Variants in EP300 observed in about 807,000 individuals in gnomAD.
EP300 encodes the protein EP300 lysine acetyltransferase, also known as histone acetyltransferase p300.
In EP300, 31 loss-of-function variants were observed where a neutral mutation model predicts 264.0. The ratio of observed to expected loss-of-function variants is 0.12; its 90% CI spans 0.09 to 0.16. The LOEUF is 0.16. Ranked by LOEUF, EP300 falls within the 10% of genes least tolerant of loss-of-function variation. The probability of loss-of-function intolerance (pLI) is 1.00; values close to 1 mark genes in which losing one functional copy is unlikely to be tolerated. For missense variants in EP300, 2,766 were observed against 3,052.9 expected, an observed-to-expected ratio of 0.91 and a Z score of 2.21; for synonymous variants, 1,340 against 1,045.4, an observed-to-expected ratio of 1.28 and a Z score of -5.44.
Position 41,168,283 on chromosome 22 carries a change from T to C in EP300, c.3875-166T>C, listed in dbSNP as rs2057070. ...GATTAGCATGTTCCCTGCACTCATATGACATGTAAATCTGCAAAGTAGTGA... is the reference window on the plus strand; with the variant it reads ...GATTAGCATGTTCCCTGCACTCATACGACATGTAAATCTGCAAAGTAGTGA... On this transcript the variant is annotated intron_variant, in intron 23 of 30. Transcript: ENST00000263253. 197,586 of 699,640 alleles carry C rather than the reference T, an allele frequency of 0.28. 32,086 individuals are homozygous for C. Among genetic ancestry groups the C allele is most frequent in the Admixed American group, 0.51 (22,934 of 44,658 alleles). 43.3% of individuals were successfully genotyped at this position (699,640 alleles called of 1,614,324 possible).
At chr22:41,117,079 G>A in intron 1 of EP300, 108 bp from the exon 2 acceptor site, 1 of 968,888 alleles carries the variant, frequency 1.0e-6, no homozygotes, top group Non-Finnish European at 1.6e-6. Flanking sequence ...AGAAAAACAT[G>A]GAGTGAGGTT....
In EP300 at chr22:41,129,990, G is replaced by C. The variant is rs1308032551; in HGVS notation, c.1269G>C (p.Lys423Asn). Residue 423 changes from lysine (K) to asparagine (N), a missense_variant, in exon 5 of 31, where the codon AAG (lysine) becomes AAC (asparagine). Physicochemically the swap from Lys to Asn is moderately conservative, Grantham distance 94 (BLOSUM62 0). Transcript: ENST00000263253. ...TCCCCCTCAAAAATGCTGGTGATAAGAGAAATCAACAGCGTAAGTGATGAA... is the reference window on the plus strand; with the variant it reads ...TCCCCCTCAAAAATGCTGGTGATAACAGAAATCAACAGCGTAAGTGATGAA... ...VCLPLKNAGD[K>N]RNQQPILTGA... 1 of 1,612,088 alleles carries C rather than the reference G, an allele frequency of 6.2e-7. No homozygotes were observed. The highest frequency in any genetic ancestry group is 1.1e-5 in the South Asian group (1 of 91,052).
At chr22:41,125,724 A>G in intron 2 of EP300, 140 bp from the exon 3 acceptor site, 2 of 906,412 alleles carry the variant, frequency 2.2e-6, no homozygotes, top group Non-Finnish European at 1.7e-6. Flanking sequence ...CACGTTGCCC[A>G]AGCTGTAGTG....
At chr22:41,161,399 C>T (rs1192885945) in intron 20 of EP300, among the ~76,000 whole-genome samples, 2 of 152,152 alleles carry the variant, frequency 1.3e-5, no homozygotes, top group African/African-American at 4.8e-5. Context: ...GGGCGGATCA[C>T]GAGGTCAGGA....
Position 41,117,510 on chromosome 22 carries a change from A to C in EP300, c.418A>C (p.Thr140Pro). Residue 140 changes from threonine to proline, a missense_variant, in exon 2 of 31, where the codon ACT becomes CCT. Coordinates refer to ENST00000263253, the MANE Select transcript of EP300 (RefSeq NM_001429.4). ...GLTSPNMGMGTSGPNQGPTQS... is the reference protein window; with the variant it reads ...GLTSPNMGMGPSGPNQGPTQS... ...GACTTCTCCCAACATGGGGATGGGCACTAGTGGACCAAATCAGGGTCCTAC... is the reference window on the plus strand; with the variant it reads ...GACTTCTCCCAACATGGGGATGGGCCCTAGTGGACCAAATCAGGGTCCTAC... 6.2e-7 allele frequency: 1 copy of C among 1,613,906 alleles called. No homozygotes were observed. Among genetic ancestry groups the C allele is most frequent in the Non-Finnish European group, 8.5e-7 (1 of 1,179,726 alleles).
chr22:41,138,098 A>C (rs1316268826), intron 8 of EP300, among the ~76,000 whole-genome samples: 1 of 152,174 alleles, frequency 6.6e-6, no homozygotes, highest in Admixed American at 6.5e-5. Flanking sequence ...ATCTAAGAAA[A>C]ACTAGGCCTC....
chr22:41,140,201 C>T lies in EP300; in HGVS notation c.1822C>T (p.Leu608=). 6.2e-7 allele frequency: 1 copy of T among 1,614,074 alleles called. No homozygotes were observed. The highest frequency in any genetic ancestry group is 8.5e-7 in the Non-Finnish European group (1 of 1,179,988). Reference sequence around the variant, plus strand: ...TTTAAAAGACAGACGGATGGAAAACCTAGTTGCATATGCTCGGAAAGTTGA... The same window carrying T: ...TTTAAAAGACAGACGGATGGAAAACTTAGTTGCATATGCTCGGAAAGTTGA... ...AALKDRRMEN[L]VAYARKVEGD... Residue 608 remains leucine (L), a synonymous_variant, in exon 9 of 31, where the codon CTA becomes TTA. Transcript: ENST00000263253.
chr22:41,168,961 G>A (rs2145764280), intron 25 of EP300, 94 bp downstream of exon 25: 6 of 1,574,190 alleles, frequency 3.8e-6, no homozygotes, highest in Non-Finnish European at 5.2e-6. Flanking sequence ...AATGTTTAGT[G>A]TGTTTGGTTT....
chr22:41,168,894 C>G (rs778656283), intron 25 of EP300, 27 bp downstream of exon 25: 1 of 1,614,088 alleles, frequency 6.2e-7, no homozygotes, highest in South Asian at 1.1e-5. Context: ...GTGGCTAGCT[C>G]CGGATTTGTG....
At chr22:41,104,762 G>A (rs1569083762) in intron 1 of EP300, among the ~76,000 whole-genome samples, 2 of 152,210 alleles carry the variant, frequency 1.3e-5, no homozygotes, top group East Asian at 3.9e-4. Flanking sequence ...GCCTACACCT[G>A]TAATCCCAGC....
At chr22:41,123,893 T>C (rs1015534087) in intron 2 of EP300, among the ~76,000 whole-genome samples, 1 of 152,254 alleles carries the variant, frequency 6.6e-6, no homozygotes, top group Non-Finnish European at 1.5e-5. Flanking sequence ...CAATTAATTA[T>C]TATTATAGTA....
At chr22:41,118,913 A>T (rs565159947) in intron 2 of EP300, among the ~76,000 whole-genome samples, 1 of 150,182 alleles carries the variant, frequency 6.7e-6, no homozygotes, top group Non-Finnish European at 1.5e-5. Flanking sequence ...AAAACCTTAA[A>T]TTTTTTTTTG....
At chr22:41,146,874 A>G (rs2145732682) in intron 11 of EP300, 58 bp downstream of exon 11, 2 of 1,436,466 alleles carry the variant, frequency 1.4e-6, no homozygotes, top group Non-Finnish European at 1.9e-6. Flanking sequence ...CTGCAAGATA[A>G]TACTTGCTAC....
chr22:41,092,627 T>G lies in EP300; in HGVS notation c.-378T>G, dbSNP rs1240165027. The stretch of plus-strand genomic sequence containing the variant: ...AGGACAGCGCCGAGGAGGAAGAGGT[T>G]GATGGCGGCGGCGGAGCTCCGAGAG... On this transcript the variant is annotated 5_prime_UTR_variant, in exon 1 of 31. Transcript: ENST00000263253. 2 of 635,302 alleles carry G rather than the reference T, an allele frequency of 3.1e-6. No homozygotes were observed. Among genetic ancestry groups the G allele is most frequent in the East Asian group, 2.7e-5 (1 of 37,096 alleles). 39.4% of individuals were successfully genotyped at this position (635,302 alleles called of 1,614,324 possible).
intron 6 of EP300, among the ~76,000 whole-genome samples, chr22:41,132,069 G>A (rs759854035): frequency 6.6e-6 from 1 of 151,564 alleles, no homozygotes; most frequent in African/African-American, 2.4e-5. Context: ...GGTGGTGCGT[G>A]CCTGTAATCC....
intron 20 of EP300, 116 bp downstream of exon 20, chr22:41,160,838 A>G (rs1038333637): frequency 1.1e-6 from 1 of 932,402 alleles, no homozygotes; most frequent in Non-Finnish European, 1.7e-6. Flanking sequence ...CATTAGCCAC[A>G]TGTTGCTATT....
Position 41,149,138 on chromosome 22 carries a change from C to T in EP300, c.2342C>T (p.Pro781Leu), listed in dbSNP as rs2145736093. 1.2e-6 allele frequency: 2 copies of T among 1,613,970 alleles called. No individual in the cohort carries two copies. Among genetic ancestry groups the T allele is most frequent in the South Asian group, 1.1e-5 (1 of 91,080 alleles). Residue 781 changes from proline to leucine, a missense_variant, in exon 13 of 31, where the codon CCT becomes CTT. By Grantham distance (98) the Pro-to-Leu change is moderately conservative (BLOSUM62 -3). Transcript: ENST00000263253. ...CAGGGAATGAATGTAACAAATATCC[C>T]TTTGGCTCCGTCCAGCGGTCAAGCT... ...PSQGMNVTNI[P>L]LAPSSGQAPV... is the part of the protein sequence containing the mutation.
Position 41,149,053 on chromosome 22 carries a change from C to T in EP300, c.2257C>T (p.Pro753Ser), listed in dbSNP as rs2145735772. The T allele has an allele frequency of 6.2e-7, 1 of 1,612,128 alleles. No homozygotes were observed. The highest frequency in any genetic ancestry group is 1.1e-5 in the South Asian group (1 of 91,032). The change falls in exon 13 of 31, where the codon CCT (proline) becomes TCT (serine). Residue 753 changes from proline to serine, a missense_variant. Transcript: ENST00000263253. ...GALNPPMGYG[P>S]RMQQPSNQGQ... is the part of the protein sequence containing the mutation. ...TTTTTTTCAGCCTATGGGCTATGGG[C>T]CTCGTATGCAACAGCCTTCCAACCA... is the stretch of plus-strand genomic sequence containing the variant.
rs200873471 is a variant in EP300 at position 41,176,550 on chromosome 22, G to A, written c.5061+22G>A. On this transcript the variant is annotated intron_variant, in intron 30 of 30. Coordinates refer to ENST00000263253, the MANE Select transcript of EP300 (RefSeq NM_001429.4). ...TGAGGTAGGCACCGGGTTGTGGGAA[G>A]GAGGAGGTGAGCTCCGCAGGGTTGT... 636 of 1,613,326 alleles carry A rather than the reference G, an allele frequency of 3.9e-4. 1 individual carries two copies. Among genetic ancestry groups the A allele is most frequent in the Non-Finnish European group, 5.1e-4 (600 of 1,179,908 alleles).
Sources: gnomAD v4.1 joint callset for allele counts (sites outside exome capture counted in the v4.1 genomes callset) on GRCh38, gnomAD v4.1.1 for gene constraint, MANE v1.5 for transcripts, NCBI Gene and HGNC (gene_info 2026-07-23, HGNC 2026-07-21) for gene names.